Variants in NTM observed in about 807,000 individuals in gnomAD.
NTM encodes neurotrimin, also known as IgLON family member 2.
In NTM, 13 loss-of-function variants were observed where a neutral mutation model predicts 42.1. That is an observed-to-expected ratio of 0.31 (90% confidence interval 0.20 to 0.49). NTM has a LOEUF of 0.49. NTM is among the 20% of genes least tolerant of loss of function. The pLI is 0.99. For synonymous variants in NTM, 187 were observed against 179.2 expected (o/e 1.04, Z -0.35); for missense variants, 373 against 452.8 (o/e 0.82, Z 1.60).
In NTM at chr11:131,717,978, T is replaced by G. The variant is rs1485699813; in HGVS notation, c.83-193586T>G. Among the ~76,000 whole-genome samples, 7 of 152,358 alleles carry G rather than the reference T, an allele frequency of 4.6e-5. No homozygotes were observed. The East Asian group carries it at 1.3e-3, about 29-fold the overall frequency. ...TTATTAAGATAATCATATGTTTTTCTTATTTTAGTTTGTTAATATGATGAA... is the reference window on the plus strand; with the variant it reads ...TTATTAAGATAATCATATGTTTTTCGTATTTTAGTTTGTTAATATGATGAA... On this transcript the variant is annotated intron_variant, in intron 1 of 8. Transcript: ENST00000683400.
At chr11:131,745,464 T>C (rs1009436784) in intron 1 of NTM, among the ~76,000 whole-genome samples, 12 of 152,208 alleles carry the variant, frequency 7.9e-5, no homozygotes, top group African/African-American at 2.9e-4. Flanking sequence ...AGAATCGCTA[T>C]TTTTGCTTGA....
At chr11:131,648,342 C>T (rs1191822475) in intron 1 of NTM, among the ~76,000 whole-genome samples, 2 of 152,038 alleles carry the variant, frequency 1.3e-5, no homozygotes, top group South Asian at 2.1e-4. Context: ...ATTTATATTC[C>T]TCTGGGTATG....
chr11:132,041,157 A>G (rs1416742490), intron 2 of NTM, among the ~76,000 whole-genome samples: 4 of 150,970 alleles, frequency 2.6e-5, no homozygotes, highest in Non-Finnish European at 4.4e-5. Flanking sequence ...TATCACCTGT[A>G]CCTTTTTGTT....
chr11:132,300,227 G>A (rs2094793225), intron 4 of NTM, among the ~76,000 whole-genome samples: 3 of 152,272 alleles, frequency 2.0e-5, no homozygotes, highest in Non-Finnish European at 4.4e-5. Flanking sequence ...AGGATCATGT[G>A]TATTAAAAAT....
At chr11:131,831,283 A>G (rs1295741924) in intron 1 of NTM, among the ~76,000 whole-genome samples, 1 of 152,188 alleles carries the variant, frequency 6.6e-6, no homozygotes, top group African/African-American at 2.4e-5. Context: ...TTAGTAAAGA[A>G]CTAAATTTTT....
intron 2 of NTM, among the ~76,000 whole-genome samples, chr11:132,012,354 A>G (rs2072396056): frequency 6.6e-6 from 1 of 152,226 alleles, no homozygotes; most frequent in Non-Finnish European, 1.5e-5. Context: ...CTGTCTTGTC[A>G]TTCCCACTGT....
intron 2 of NTM, among the ~76,000 whole-genome samples, chr11:132,110,954 G>A (rs1360470699): frequency 1.3e-5 from 2 of 150,628 alleles, no homozygotes; most frequent in African/African-American, 4.9e-5. Flanking sequence ...TGCAGTCCCA[G>A]CTACTTTAGA....
At chr11:131,616,305 C>T (rs139461337) in intron 1 of NTM, among the ~76,000 whole-genome samples, 1 of 152,172 alleles carries the variant, frequency 6.6e-6, no homozygotes, top group African/African-American at 2.4e-5. Flanking sequence ...TCCCTATCAC[C>T]CAGAAATGGG....
At chr11:131,842,493 AG>A (rs2044378444) in intron 1 of NTM, among the ~76,000 whole-genome samples, 1 of 152,208 alleles carries the variant, frequency 6.6e-6, no homozygotes, top group African/African-American at 2.4e-5. Context: ...GAGAGGCAGT[AG>A]TCTCCCATAA....
At chr11:132,286,265 C>G (rs771864247) in intron 4 of NTM, among the ~76,000 whole-genome samples, 1 of 152,126 alleles carries the variant, frequency 6.6e-6, no homozygotes, top group Non-Finnish European at 1.5e-5. Flanking sequence ...AAAACATAAA[C>G]GAGTCTGGCC....
intron 1 of NTM, among the ~76,000 whole-genome samples, chr11:131,531,408 G>A (rs1202805777): frequency 6.6e-6 from 1 of 152,182 alleles, no homozygotes; most frequent in Non-Finnish European, 1.5e-5. Flanking sequence ...TCAGACTCCT[G>A]AAGTGCCGGG....
chr11:131,890,137 CCTCTCTCTCTCTCTCTCTGT>C (rs893483714), intron 1 of NTM, among the ~76,000 whole-genome samples: 2 of 108,642 alleles, frequency 1.8e-5, no homozygotes, highest in African/African-American at 9.0e-5. Context: ...CCTCTCTCTC[CCTCTCTCTCTCTCTCTCTGT>C]CTCTCTCTCT....
chr11:132,024,123 T>G (rs1187768325), intron 2 of NTM, among the ~76,000 whole-genome samples: 1 of 152,106 alleles, frequency 6.6e-6, no homozygotes, highest in African/African-American at 2.4e-5. Flanking sequence ...CAGCATTTTT[T>G]TTTTAATGTA....
chr11:131,913,332 AT>A (rs35832003), intron 2 of NTM, among the ~76,000 whole-genome samples: 5 of 150,684 alleles, frequency 3.3e-5, no homozygotes, highest in Non-Finnish European at 5.9e-5. Flanking sequence ...TATAAATGGG[AT>A]TTTTTTTTTC....
In NTM at chr11:131,925,114, G is replaced by C. The variant is rs186925074; in HGVS notation, c.167+13466G>C. ...CAGTGACAAGGAAAAGTTTTACCTT[G>C]AGGCAAATGAGCACATATCCATAAT... On this transcript the variant is annotated intron_variant, in intron 2 of 8. Transcript: ENST00000683400. Among the ~76,000 whole-genome samples the C allele has an allele frequency of 7.0e-3, 1,072 of 152,280 alleles. 7 individuals carry two copies. The highest frequency in any genetic ancestry group is 0.011 in the Non-Finnish European group (751 of 68,022).
chr11:131,537,257 G>A (rs139839853), intron 1 of NTM: 1 of 151,818 alleles, frequency 6.6e-6, no homozygotes, highest in East Asian at 1.9e-4. Context: ...AAGGAAATGA[G>A]TGAATTTGAG....
At chr11:131,970,253 A>G (rs934761889) in intron 2 of NTM, among the ~76,000 whole-genome samples, 8 of 152,148 alleles carry the variant, frequency 5.3e-5, no homozygotes, top group East Asian at 1.9e-4. Context: ...CAATTTTTCT[A>G]TGTTGACCTG....
chr11:131,934,412 G>A (rs370694267), intron 2 of NTM, among the ~76,000 whole-genome samples: 2 of 152,278 alleles, frequency 1.3e-5, no homozygotes, highest in East Asian at 3.9e-4. Flanking sequence ...ATGTTTTGAG[G>A]ATTAATTATA....
chr11:132,204,040 C>T (rs1251958231), intron 3 of NTM, among the ~76,000 whole-genome samples: 1 of 152,222 alleles, frequency 6.6e-6, no homozygotes, highest in African/African-American at 2.4e-5. Context: ...ACCAATGCAT[C>T]CCCATTTGCC....
Sources: allele counts gnomAD v4.1 joint callset (sites outside exome capture counted in the v4.1 genomes callset), GRCh38; gene constraint gnomAD v4.1.1; transcripts MANE v1.5; gene names NCBI Gene and HGNC (gene_info 2026-07-23, HGNC 2026-07-21).